ANKS6: variants seen among roughly 807,000 people sequenced by gnomAD.
The protein encoded by ANKS6 is ankyrin repeat and SAM domain-containing protein 6.
Under a neutral mutation model 77.9 loss-of-function variants are expected in ANKS6, and 47 were observed. The observed-to-expected ratio is 0.60, with a 90% CI of 0.48 to 0.77. ANKS6 has a LOEUF of 0.77. Ranked by LOEUF, ANKS6 falls within the 30% of genes least tolerant of loss-of-function variation. The probability of loss-of-function intolerance (pLI) is 0.00; values close to 1 mark genes in which losing one functional copy is unlikely to be tolerated. For missense variants in ANKS6, 1,150 were observed against 1,159.1 expected, an observed-to-expected ratio of 0.99 and a Z score of 0.11; for synonymous variants, 488 against 501.7, an observed-to-expected ratio of 0.97 and a Z score of 0.37.
At chr9:98,741,783 G>A (rs898162260) in intron 14 of ANKS6, among the ~76,000 whole-genome samples, 2 of 152,108 alleles carry the variant, frequency 1.3e-5, no homozygotes, top group Admixed American at 6.5e-5. Flanking sequence ...GGTCCACAAC[G>A]TTTTGCTAAT....
Position 98,796,234 on chromosome 9 carries a change from C to A in ANKS6, c.258G>T (p.Ala86=), listed in dbSNP as rs1264841937. 1.4e-6 allele frequency: 2 copies of A among 1,405,808 alleles called. No homozygotes were observed. Among genetic ancestry groups the A allele is most frequent in the East Asian group, 3.1e-5 (1 of 32,470 alleles). 87.1% of individuals were successfully genotyped at this position (1,405,808 alleles called of 1,614,324 possible). Residue 86 remains alanine (A), a synonymous_variant, in exon 1 of 15, where the codon GCG becomes GCT. Transcript: ENST00000353234. ...GCACCAGCGGTTCGTGGCCCCCGGC[C>A]GCGGCGAACTGCAGTGCGGTGTTGC... ...EAGNTALQFA[A]AGGHEPLVRF...
rs183871176 is a variant in ANKS6 at position 98,735,502 on chromosome 9, A to T, written c.*1017T>A. On this transcript the variant is annotated 3_prime_UTR_variant, in exon 15 of 15. Transcript: ENST00000353234. ...ACACAAGCCAATTCCCTTTTGAGGA[A>T]CACAGCATTAATAGGATGTAGACAA... 8.1e-7 allele frequency: 1 copy of T among 1,228,118 alleles called. No individual in the cohort carries two copies. The allele number at this position is 1,228,118 out of a possible 1,614,324, so 76.1% of individuals were successfully genotyped here. A position where few individuals can be genotyped will look rare whatever the true frequency, so the allele number is the denominator to read the frequency against.
At position 98,732,069 on chromosome 9, in the gene ANKS6, C is replaced by G. The variant is rs921613729; in HGVS notation, c.*4450G>C. ...ACATCAGGTCTCTTTACACGTTGAACAGGAACTGCTGGTTAACAAGACACG... is the reference window on the plus strand; with the variant it reads ...ACATCAGGTCTCTTTACACGTTGAAGAGGAACTGCTGGTTAACAAGACACG... On this transcript the variant is annotated 3_prime_UTR_variant, in exon 15 of 15. Transcript: ENST00000353234. The G allele has an allele frequency of 8.4e-5, 16 of 190,632 alleles. No homozygotes were observed. The highest frequency in any genetic ancestry group is 2.1e-4 in the Admixed American group (4 of 18,678). The allele number at this position is 190,632 out of a possible 1,614,324, so 11.8% of individuals were successfully genotyped here.
In ANKS6 at chr9:98,791,488, C is replaced by T. The variant is rs937366610; in HGVS notation, c.360-882G>A. ...AGGAGAAGGAAAACAGGTACCTCTT[C>T]CCAGCAAAATCTCTTCCTTCTTTTA... On this transcript the variant is annotated intron_variant, in intron 1 of 14. Transcript: ENST00000353234. This position sits in a 1 kb window ranked among gnomAD's most constrained non-coding sequence, Gnocchi z 4.3. Among the ~76,000 whole-genome samples the T allele has an allele frequency of 3.3e-5, 5 of 152,188 alleles. No individual in the cohort carries two copies. Among genetic ancestry groups the T allele is most frequent in the African/African-American group, 9.7e-5 (4 of 41,436 alleles).
At chr9:98,743,580 G>A (rs774041960) in intron 14 of ANKS6, among the ~76,000 whole-genome samples, 1 of 152,102 alleles carries the variant, frequency 6.6e-6, no homozygotes, top group Non-Finnish European at 1.5e-5. Flanking sequence ...TTTCAGCCCC[G>A]ATTCTAAGCC....
intron 9 of ANKS6, among the ~76,000 whole-genome samples, 195 bp from the exon 10 acceptor site, chr9:98,771,241 C>T (rs1338949790): frequency 6.6e-6 from 1 of 152,202 alleles, no homozygotes; most frequent in Non-Finnish European, 1.5e-5. Flanking sequence ...GACAACTTGC[C>T]CATTAGCTCA....
chr9:98,784,316 C>T (rs748901910), intron 3 of ANKS6, 159 bp from the exon 4 acceptor site: 14 of 595,094 alleles, frequency 2.4e-5, no homozygotes, highest in Non-Finnish European at 3.6e-5. Context: ...GAGATAGCCC[C>T]GACTCTTAAA....
At chr9:98,747,221 T>C (rs1832183389) in intron 13 of ANKS6, among the ~76,000 whole-genome samples, 1 of 152,364 alleles carries the variant, frequency 6.6e-6, no homozygotes, top group Non-Finnish European at 1.5e-5. Context: ...AGTCTTTCAC[T>C]TTATAAGAAG....
chr9:98,795,331 G>GT (rs1045262106), intron 1 of ANKS6, among the ~76,000 whole-genome samples: 1 of 151,992 alleles, frequency 6.6e-6, no homozygotes, highest in African/African-American at 2.4e-5. Context: ...TTTCCAAAAC[G>GT]TAACTCTCAT....
At chr9:98,758,640 C>G (rs1482343106) in intron 11 of ANKS6, among the ~76,000 whole-genome samples, 1 of 152,092 alleles carries the variant, frequency 6.6e-6, no homozygotes, top group Admixed American at 6.5e-5. Context: ...GTGTGCAACT[C>G]TCTGTGTATT....
At chr9:98,747,536 G>A (rs189572174) in intron 13 of ANKS6, among the ~76,000 whole-genome samples, 80 of 152,132 alleles carry the variant, frequency 5.3e-4, no homozygotes, top group African/African-American at 1.7e-3. Flanking sequence ...AAAAGCTCAC[G>A]GAGTGCTGAG....
chr9:98,763,942 T>C (rs574142867), intron 11 of ANKS6, among the ~76,000 whole-genome samples: 2 of 152,236 alleles, frequency 1.3e-5, no homozygotes, highest in East Asian at 3.9e-4. Context: ...AACACCTGAA[T>C]AGTCCTATAT....
intron 3 of ANKS6, 184 bp from the exon 4 acceptor site, chr9:98,784,341 C>A: frequency 1.9e-6 from 1 of 514,852 alleles, no homozygotes. Context: ...TCAGTCTAGG[C>A]GAGACAGAGA....
chr9:98,779,353 CAGAGTGGCATGATCAGCAA>C (rs1452508294), intron 6 of ANKS6, among the ~76,000 whole-genome samples: 1 of 152,166 alleles, frequency 6.6e-6, no homozygotes, highest in Admixed American at 6.5e-5. Context: ...AGGGAGACCC[CAGAGTGGCATGATCAGCAA>C]ATATCCTGCA....
At chr9:98,758,642 C>G (rs1274433745) in intron 11 of ANKS6, among the ~76,000 whole-genome samples, 1 of 152,170 alleles carries the variant, frequency 6.6e-6, no homozygotes, top group East Asian at 1.9e-4. Context: ...GTGCAACTCT[C>G]TGTGTATTTA....
intron 8 of ANKS6, among the ~76,000 whole-genome samples, chr9:98,775,289 TA>T (rs1564208246): frequency 6.6e-6 from 1 of 152,150 alleles, no homozygotes; most frequent in Non-Finnish European, 1.5e-5. Flanking sequence ...CCTGAGCAAA[TA>T]ATCAGGCAAG....
rs1646375156 is a variant in ANKS6 at position 98,735,699 on chromosome 9, A to G, written c.*820T>C. 1.6e-6 allele frequency: 2 copies of G among 1,231,714 alleles called. No homozygotes were observed. Among genetic ancestry groups the G allele is most frequent in the Non-Finnish European group, 2.0e-6 (2 of 987,958 alleles). 76.3% of individuals were successfully genotyped at this position (1,231,714 alleles called of 1,614,324 possible). A position where few individuals can be genotyped will look rare whatever the true frequency, so the allele number is the denominator to read the frequency against. The stretch of plus-strand genomic sequence containing the variant: ...TGGTCTGACCTTCCACTTTGCAGAT[A>G]AGGAAACTGAAAGCTAGGAAGAAGA... On this transcript the variant is annotated 3_prime_UTR_variant, in exon 15 of 15. Coordinates refer to ENST00000353234, the MANE Select transcript of ANKS6 (RefSeq NM_173551.5).
chr9:98,776,237 A>C (rs1416638702), intron 8 of ANKS6, among the ~76,000 whole-genome samples: 1 of 152,064 alleles, frequency 6.6e-6, no homozygotes, highest in Non-Finnish European at 1.5e-5. Context: ...ACCATGAGGG[A>C]TCCCCGAAGT....
In ANKS6 at chr9:98,751,014, A is replaced by G. The variant is rs1284806164; in HGVS notation, c.2394+15T>C. On this transcript the variant is annotated intron_variant, in intron 13 of 14. Coordinates refer to ENST00000353234, the MANE Select transcript of ANKS6 (RefSeq NM_173551.5). ...TAGTAAGATTTAAATTGACATTCAA[A>G]AAGAGCATTCTTACCTCTTGTTCCT... 4 of 1,592,434 alleles carry G rather than the reference A, an allele frequency of 2.5e-6. No individual in the cohort carries two copies. The Admixed American group carries it at 7.2e-5, about 28-fold the overall frequency.
Sources: allele counts gnomAD v4.1 joint callset (sites outside exome capture counted in the v4.1 genomes callset), GRCh38; gene constraint gnomAD v4.1.1; non-coding constraint Gnocchi (gnomAD v3.1); transcripts MANE v1.5; gene names NCBI Gene and HGNC (gene_info 2026-07-23, HGNC 2026-07-21).